PRAG1: variants seen among roughly 807,000 people sequenced by gnomAD.
PRAG1 encodes the protein PEAK1 related, kinase-activating pseudokinase 1.
PRAG1 carries 110 observed loss-of-function variants against 95.6 expected under a neutral mutation model. That is an observed-to-expected ratio of 1.15 (90% CI 0.99 to 1.35). The LOEUF is 1.35. Ranked by LOEUF, PRAG1 falls within the 40% of genes most tolerant of loss-of-function variation. PRAG1 has a pLI of 0.00. For missense variants in PRAG1, 2,554 were observed against 1,864.7 expected, an observed-to-expected ratio of 1.37 and a Z score of -6.81; for synonymous variants, 1,052 against 819.4, an observed-to-expected ratio of 1.28 and a Z score of -4.85.
chr8:8,376,018 A>G (rs938615173), intron 3 of PRAG1, among the ~76,000 whole-genome samples: 2 of 152,176 alleles, frequency 1.3e-5, no homozygotes, highest in Non-Finnish European at 1.5e-5. Context: ...ATTTTAAATC[A>G]CCAATCCCAA....
chr8:8,336,164 G>C (rs769735800), intron 4 of PRAG1, among the ~76,000 whole-genome samples: 63 of 152,176 alleles, frequency 4.1e-4, no homozygotes, highest in Non-Finnish European at 8.7e-4. Flanking sequence ...CAGTTCAACA[G>C]AGAACTCTCT....
chr8:8,356,100 A>G (rs1370579316), intron 3 of PRAG1, among the ~76,000 whole-genome samples: 1 of 152,238 alleles, frequency 6.6e-6, no homozygotes. Context: ...TAACCATACT[A>G]AAATATGGGC....
At chr8:8,349,338 T>C (rs766810915) in intron 3 of PRAG1, among the ~76,000 whole-genome samples, 30 of 152,240 alleles carry the variant, frequency 2.0e-4, no homozygotes, top group Admixed American at 8.5e-4. Flanking sequence ...TGGAGTGCAG[T>C]GGCATCATCT....
chr8:8,332,942 C>A (rs1300383318), intron 4 of PRAG1, among the ~76,000 whole-genome samples: 1 of 151,604 alleles, frequency 6.6e-6, no homozygotes. Context: ...CTGGAAATAA[C>A]AGGGAACAAA....
At chr8:8,328,823 G>A (rs1161571201) in intron 4 of PRAG1, among the ~76,000 whole-genome samples, 3 of 152,016 alleles carry the variant, frequency 2.0e-5, no homozygotes, top group East Asian at 1.9e-4. Context: ...AAGAGCAAAC[G>A]GTGGCTACTG....
chr8:8,337,597 C>A (rs1016585888), intron 4 of PRAG1, among the ~76,000 whole-genome samples: 1 of 152,136 alleles, frequency 6.6e-6, no homozygotes, highest in African/African-American at 2.4e-5. Context: ...ATGGTTGGCT[C>A]TCAGGGGCTA....
At chr8:8,338,419 G>A (rs1799059513) in intron 4 of PRAG1, among the ~76,000 whole-genome samples, 1 of 152,186 alleles carries the variant, frequency 6.6e-6, no homozygotes, top group African/African-American at 2.4e-5. Context: ...ACCAGCACAG[G>A]GGCTCGTGGT....
chr8:8,355,364 A>G (rs1263814776), intron 3 of PRAG1, among the ~76,000 whole-genome samples: 1 of 152,206 alleles, frequency 6.6e-6, no homozygotes, highest in Non-Finnish European at 1.5e-5. Context: ...ATTTAATGCA[A>G]TCTCTATCAA....
chr8:8,319,919 G>T (rs1170024454), intron 5 of PRAG1, among the ~76,000 whole-genome samples: 1 of 152,212 alleles, frequency 6.6e-6, no homozygotes. Context: ...ACTAGAATGG[G>T]TTCTAATAAA....
intron 3 of PRAG1, among the ~76,000 whole-genome samples, chr8:8,359,985 T>C (rs1799796365): frequency 6.6e-6 from 1 of 152,198 alleles, no homozygotes; most frequent in Non-Finnish European, 1.5e-5. Context: ...CCTTTGACCC[T>C]GGAAACTGTC....
intron 3 of PRAG1, among the ~76,000 whole-genome samples, chr8:8,365,778 TGTG>T (rs747157800): frequency 4.2e-4 from 63 of 149,034 alleles, no homozygotes; most frequent in Non-Finnish European, 7.4e-4. Context: ...GCCTGGCCAA[TGTG>T]GTGAAACCCT....
chr8:8,347,369 AT>A (rs1188737781), intron 3 of PRAG1, among the ~76,000 whole-genome samples: 1 of 152,196 alleles, frequency 6.6e-6, no homozygotes, highest in Admixed American at 6.5e-5. Flanking sequence ...TTTCTATAAA[AT>A]GCACTTCCTG....
At chr8:8,337,608 G>C (rs917896649) in intron 4 of PRAG1, among the ~76,000 whole-genome samples, 1 of 152,188 alleles carries the variant, frequency 6.6e-6, no homozygotes, top group Non-Finnish European at 1.5e-5. Flanking sequence ...TCAGGGGCTA[G>C]AGTCCAGGGA....
At chr8:8,349,254 TTATC>T (rs1195815508) in intron 3 of PRAG1, among the ~76,000 whole-genome samples, 2 of 145,256 alleles carry the variant, frequency 1.4e-5, no homozygotes, top group South Asian at 4.3e-4. Context: ...TTTCTATTAT[TTATC>T]TATCTATCTA....
At position 8,317,775 on chromosome 8, in the gene PRAG1, C is replaced by CTT. The variant is rs889064431; in HGVS notation, c.*377_*378dup. On this transcript the variant is annotated 3_prime_UTR_variant, in exon 6 of 6. Coordinates refer to ENST00000615670, the MANE Select transcript of PRAG1 (RefSeq NM_001080826.3). ...AAAAAAATTTTAATGGAATTTTCTT[C>CTT]TTTTTTTTTTTTCTTTAAATAACAA... 4.7e-5 allele frequency: 7 copies of CTT among 149,096 alleles called. No homozygotes were observed. Among genetic ancestry groups the CTT allele is most frequent in the African/African-American group, 1.5e-4 (6 of 40,194 alleles). The allele number at this position is 149,096 out of a possible 1,614,324, so 9.2% of individuals were successfully genotyped here.
intron 3 of PRAG1, among the ~76,000 whole-genome samples, chr8:8,354,644 T>A (rs1474112233): frequency 6.6e-6 from 1 of 152,204 alleles, no homozygotes; most frequent in Non-Finnish European, 1.5e-5. Flanking sequence ...TAAATCATTG[T>A]AATATGTCAC....
chr8:8,367,808 A>AT (rs1267304688), intron 3 of PRAG1, among the ~76,000 whole-genome samples: 2 of 151,672 alleles, frequency 1.3e-5, no homozygotes, highest in Non-Finnish European at 2.9e-5. Context: ...TGCCCAGCTA[A>AT]TTTTTTGTAT....
rs1363442762 is a variant in PRAG1, at chr8:8,339,579, G to C, written c.2219C>G (p.Ser740Cys). The change falls in exon 4 of 6, where the codon TCT becomes TGT. Residue 740 changes from serine (S) to cysteine (C), a missense_variant. Transcript: ENST00000615670. ...GAAGGATGGGCTGAGGCTTTCTGCA[G>C]AGCCCTGGCTCACTTTTTCCAAATC... ...SSDLEKVSQG[S>C]AESLSPSFRG... The C allele has an allele frequency of 6.2e-7, 1 of 1,614,162 alleles. No individual in the cohort carries two copies. The highest frequency in any genetic ancestry group is 2.2e-5 in the East Asian group (1 of 44,880).
chr8:8,332,897 G>T (rs1215714985), intron 4 of PRAG1, among the ~76,000 whole-genome samples: 2 of 152,124 alleles, frequency 1.3e-5, no homozygotes, highest in Non-Finnish European at 2.9e-5. Flanking sequence ...TGTTCTTACT[G>T]TTTGCAACGG....
Sources: gnomAD v4.1 joint callset for allele counts (sites outside exome capture counted in the v4.1 genomes callset) on GRCh38, gnomAD v4.1.1 for gene constraint, MANE v1.5 for transcripts, NCBI Gene and HGNC (gene_info 2026-07-23, HGNC 2026-07-21) for gene names.